PABPC4L: variants seen among roughly 807,000 people sequenced by gnomAD.
PABPC4L encodes the protein poly(A) binding protein cytoplasmic 4 like.
For synonymous variants in PABPC4L, 169 were observed against 164.1 expected, an observed-to-expected ratio of 1.03 and a Z score of -0.23; for missense variants, 452 against 451.4, an observed-to-expected ratio of 1.00 and a Z score of -0.01.
the PABPC4L span, among the ~76,000 whole-genome samples, chr4:134,146,310 G>T: frequency 2.7e-5 from 4 of 150,364 alleles, no homozygotes; most frequent in African/African-American, 9.8e-5. Context: ...GTGAATAAAA[G>T]ATGCAATTTG....
the PABPC4L span, among the ~76,000 whole-genome samples, chr4:134,099,616 A>C: frequency 6.6e-6 from 1 of 151,690 alleles, no homozygotes; most frequent in Non-Finnish European, 1.5e-5. Context: ...TTTAAAAAAC[A>C]ATTACAAAAT....
the PABPC4L span, among the ~76,000 whole-genome samples, chr4:133,990,660 A>G: frequency 2.6e-5 from 4 of 152,148 alleles, no homozygotes; most frequent in African/African-American, 9.7e-5. Flanking sequence ...GCCAAAGATG[A>G]TTGCATTTAT....
the PABPC4L span, among the ~76,000 whole-genome samples, chr4:134,095,911 C>G: frequency 6.6e-6 from 1 of 151,948 alleles, no homozygotes; most frequent in African/African-American, 2.4e-5. Context: ...ATCACTCTGG[C>G]CAAAACAGCA....
the PABPC4L span, among the ~76,000 whole-genome samples, chr4:134,060,680 A>T: frequency 1.3e-5 from 2 of 151,802 alleles, no homozygotes; most frequent in East Asian, 3.9e-4. Context: ...TGTGCACCCT[A>T]AATAACCATC....
At chr4:134,009,401 AG>A in the PABPC4L span, among the ~76,000 whole-genome samples, 1 of 151,994 alleles carries the variant, frequency 6.6e-6, no homozygotes, top group Non-Finnish European at 1.5e-5. Flanking sequence ...AAACATGTTT[AG>A]CACAGTGATA....
the PABPC4L span, among the ~76,000 whole-genome samples, chr4:133,957,733 C>CCCAAAT: frequency 6.6e-6 from 1 of 152,202 alleles, no homozygotes; most frequent in Non-Finnish European, 1.5e-5. Flanking sequence ...GGTGGAGGTT[C>CCCAAAT]CCAAATCTCA....
chr4:134,192,286 C>A (rs1056884985), downstream of PABPC4L, among the ~76,000 whole-genome samples: 5 of 151,850 alleles, frequency 3.3e-5, no homozygotes, highest in African/African-American at 1.2e-4. Context: ...TTATATAATA[C>A]TACTTATACT....
At chr4:134,053,494 G>A in the PABPC4L span, among the ~76,000 whole-genome samples, 1 of 152,046 alleles carries the variant, frequency 6.6e-6, no homozygotes, top group African/African-American at 2.4e-5. Flanking sequence ...ACCCTGTAGA[G>A]AATAGAGCTA....
chr4:134,180,688 C>A, the PABPC4L span, among the ~76,000 whole-genome samples: 12 of 151,020 alleles, frequency 7.9e-5, no homozygotes, highest in African/African-American at 2.9e-4. Flanking sequence ...GCAGAAAAGA[C>A]AAAGAGGATG....
At chr4:134,044,420 C>T in the PABPC4L span, among the ~76,000 whole-genome samples, 4 of 152,132 alleles carry the variant, frequency 2.6e-5, no homozygotes, top group South Asian at 2.1e-4. Context: ...TCCGCCACCA[C>T]GCCTGGCTAA....
the PABPC4L span, among the ~76,000 whole-genome samples, chr4:134,016,164 G>A: frequency 6.6e-6 from 1 of 152,128 alleles, no homozygotes; most frequent in East Asian, 1.9e-4. Context: ...CTATGCTATA[G>A]TATCTTCCGC....
chr4:133,975,498 C>T, the PABPC4L span, among the ~76,000 whole-genome samples: 1 of 152,076 alleles, frequency 6.6e-6, no homozygotes, highest in African/African-American at 2.4e-5. Context: ...AATTATATCT[C>T]AATAAATTTG....
At chr4:133,976,518 T>C in the PABPC4L span, among the ~76,000 whole-genome samples, 1 of 152,192 alleles carries the variant, frequency 6.6e-6, no homozygotes, top group Non-Finnish European at 1.5e-5. Flanking sequence ...TGATTCTAAA[T>C]CTTTGAGGAA....
the PABPC4L span, among the ~76,000 whole-genome samples, chr4:134,140,282 A>C: frequency 5.3e-5 from 8 of 151,902 alleles, no homozygotes; most frequent in South Asian, 1.7e-3. Flanking sequence ...AATTTGCTTG[A>C]CTTTGGTAAT....
At chr4:133,958,235 G>A in the PABPC4L span, among the ~76,000 whole-genome samples, 1 of 152,154 alleles carries the variant, frequency 6.6e-6, no homozygotes, top group South Asian at 2.1e-4. Context: ...TAGGGGAGGG[G>A]CAAAATGCCT....
chr4:133,983,256 C>T, the PABPC4L span, among the ~76,000 whole-genome samples: 1 of 152,044 alleles, frequency 6.6e-6, no homozygotes, highest in South Asian at 2.1e-4. Context: ...GTAACTTAGC[C>T]TCTTTGAGAG....
the PABPC4L span, among the ~76,000 whole-genome samples, chr4:134,006,231 T>C: frequency 1.3e-5 from 2 of 151,972 alleles, no homozygotes; most frequent in Non-Finnish European, 2.9e-5. Context: ...TTTCATCTAG[T>C]TCAATTTATA....
chr4:134,071,014 C>T, the PABPC4L span, among the ~76,000 whole-genome samples: 2 of 152,172 alleles, frequency 1.3e-5, no homozygotes, highest in African/African-American at 4.8e-5. Context: ...CCATACCAAA[C>T]CCTGAGGGCT....
chr4:134,045,816 A>C, the PABPC4L span, among the ~76,000 whole-genome samples: 2 of 152,230 alleles, frequency 1.3e-5, no homozygotes, highest in African/African-American at 4.8e-5. Context: ...ATTATTATTA[A>C]TCTTTGCTAA....
Sources: gnomAD v4.1 joint callset for allele counts (sites outside exome capture counted in the v4.1 genomes callset) on GRCh38, gnomAD v4.1.1 for gene constraint, MANE v1.5 for transcripts, NCBI Gene and HGNC (gene_info 2026-07-23, HGNC 2026-07-21) for gene names.